The following RIMS2 variants were observed in gnomAD, a reference collection of about 807,000 sequenced individuals.
RIMS2 encodes regulating synaptic membrane exocytosis protein 2.
A neutral mutation model predicts 174.4 loss-of-function variants in RIMS2; 59 were observed. The ratio of observed to expected loss-of-function variants is 0.34; its 90% CI spans 0.27 to 0.42. The LOEUF (loss-of-function observed/expected upper bound fraction) is 0.42, where lower values mean the gene tolerates loss of function less well. RIMS2 is among the 10% of genes least tolerant of loss of function. RIMS2 has a pLI of 1.00. For synonymous variants in RIMS2, 606 were observed against 572.5 expected, an observed-to-expected ratio of 1.06 and a Z score of -0.84; for missense variants, 1,620 against 1,666.3, an observed-to-expected ratio of 0.97 and a Z score of 0.48.
intron 3 of RIMS2, among the ~76,000 whole-genome samples, chr8:103,771,761 A>G (rs1032315076): frequency 6.6e-6 from 1 of 151,856 alleles, no homozygotes; most frequent in Non-Finnish European, 1.5e-5. Flanking sequence ...CTCTTTCACT[A>G]TTTTTTTCCT....
At chr8:103,999,788 A>G (rs1224406328) in intron 17 of RIMS2, among the ~76,000 whole-genome samples, 1 of 151,752 alleles carries the variant, frequency 6.6e-6, no homozygotes, top group Non-Finnish European at 1.5e-5. Flanking sequence ...TCAGCAATGT[A>G]GCTAGAATTA....
At chr8:103,897,688 T>A (rs2099295288) in intron 4 of RIMS2, among the ~76,000 whole-genome samples, 1 of 151,632 alleles carries the variant, frequency 6.6e-6, no homozygotes, top group Admixed American at 6.6e-5. Flanking sequence ...CCACCAGGGC[T>A]AAGAGCATAC....
chr8:104,178,841 A>G (rs919193672), intron 19 of RIMS2, among the ~76,000 whole-genome samples: 15 of 152,070 alleles, frequency 9.9e-5, no homozygotes, highest in African/African-American at 1.4e-4. Flanking sequence ...GGAGGAATAT[A>G]CCAACATCGT....
chr8:104,044,090 A>G (rs1385394754), intron 19 of RIMS2, among the ~76,000 whole-genome samples: 2 of 151,652 alleles, frequency 1.3e-5, no homozygotes, highest in East Asian at 3.8e-4. Context: ...CTCAGGGAAG[A>G]TAGTATTCTT....
intron 1 of RIMS2, among the ~76,000 whole-genome samples, chr8:103,597,143 TAAAAG>T (rs1172590831): frequency 2.0e-5 from 3 of 152,148 alleles, no homozygotes; most frequent in African/African-American, 7.2e-5. Flanking sequence ...AGCATTCTAA[TAAAAG>T]AAGATCAAAT....
chr8:103,639,775 C>T (rs987545161), intron 1 of RIMS2, among the ~76,000 whole-genome samples: 1 of 151,862 alleles, frequency 6.6e-6, no homozygotes, highest in Non-Finnish European at 1.5e-5. Context: ...TTTGTGTGAA[C>T]ATAAGTTTTC....
At chr8:103,833,516 T>G (rs2098838780) in intron 3 of RIMS2, among the ~76,000 whole-genome samples, 2 of 152,100 alleles carry the variant, frequency 1.3e-5, no homozygotes, top group African/African-American at 4.8e-5. Context: ...TTATTTGTAT[T>G]TCAGACTTTT....
intron 1 of RIMS2, among the ~76,000 whole-genome samples, chr8:103,683,593 T>C (rs2096905271): frequency 1.3e-5 from 2 of 152,168 alleles, no homozygotes; most frequent in South Asian, 4.1e-4. Flanking sequence ...ACAATATTGC[T>C]CTTTCTATTT....
intron 2 of RIMS2, among the ~76,000 whole-genome samples, chr8:103,730,186 TG>T (rs2097573766): frequency 6.6e-6 from 1 of 152,204 alleles, no homozygotes; most frequent in East Asian, 1.9e-4. Context: ...CCGTGGGTGG[TG>T]GGGGGTTTAA....
chr8:103,969,602 G>A (rs1346982973), intron 15 of RIMS2, among the ~76,000 whole-genome samples: 1 of 152,148 alleles, frequency 6.6e-6, no homozygotes, highest in Non-Finnish European at 1.5e-5. Flanking sequence ...CCTGCAGGCT[G>A]TCCACTTTAT....
chr8:103,530,186 A>C (rs1351294220), intron 1 of RIMS2, among the ~76,000 whole-genome samples: 1 of 152,236 alleles, frequency 6.6e-6, no homozygotes, highest in East Asian at 1.9e-4. Flanking sequence ...AGAAGTAAAC[A>C]TATCACATAT....
chr8:104,218,823 C>T (rs983974153), intron 19 of RIMS2, among the ~76,000 whole-genome samples: 1 of 152,158 alleles, frequency 6.6e-6, no homozygotes, highest in Non-Finnish European at 1.5e-5. Context: ...CCACTGCTCA[C>T]CTCCTACTGT....
chr8:103,765,331 CTG>C (rs1219225049), intron 2 of RIMS2, among the ~76,000 whole-genome samples: 1 of 151,930 alleles, frequency 6.6e-6, no homozygotes, highest in Non-Finnish European at 1.5e-5. Flanking sequence ...AAAAATATAT[CTG>C]TAGAAAAATT....
intron 1 of RIMS2, chr8:103,568,632 A>C: frequency 3.3e-6 from 2 of 597,318 alleles, no homozygotes; most frequent in Non-Finnish European, 3.2e-6. Flanking sequence ...AATATCAGCA[A>C]GTGCACTTTG....
chr8:103,853,462 G>C (rs536300762), intron 3 of RIMS2, among the ~76,000 whole-genome samples: 1 of 151,908 alleles, frequency 6.6e-6, no homozygotes, highest in African/African-American at 2.4e-5. Context: ...CTTTGCTAAG[G>C]CTGAGTTGAC....
At chr8:103,823,645 C>G (rs1020673006) in intron 3 of RIMS2, among the ~76,000 whole-genome samples, 1 of 151,832 alleles carries the variant, frequency 6.6e-6, no homozygotes, top group African/African-American at 2.4e-5. Flanking sequence ...TTTCCTGTAG[C>G]ATTTATTATT....
chr8:103,725,784 T>C (rs2097521480), intron 2 of RIMS2, among the ~76,000 whole-genome samples: 1 of 152,126 alleles, frequency 6.6e-6, no homozygotes, highest in South Asian at 2.1e-4. Flanking sequence ...TTGCAAACAG[T>C]TTTGCAAAGG....
intron 3 of RIMS2, among the ~76,000 whole-genome samples, chr8:103,794,981 T>C (rs1287455781): frequency 6.6e-6 from 1 of 152,208 alleles, no homozygotes; most frequent in Non-Finnish European, 1.5e-5. Context: ...TTTTACACTG[T>C]TGGTGGGACT....
intron 19 of RIMS2, among the ~76,000 whole-genome samples, chr8:104,023,714 C>A (rs144272269): frequency 6.6e-6 from 1 of 152,158 alleles, no homozygotes; most frequent in Non-Finnish European, 1.5e-5. Flanking sequence ...GAGGTGTGGA[C>A]TGTAGCTATA....
Sources: gnomAD v4.1 joint callset for allele counts (sites outside exome capture counted in the v4.1 genomes callset) on GRCh38, gnomAD v4.1.1 for gene constraint, MANE v1.5 for transcripts, NCBI Gene and HGNC (gene_info 2026-07-23, HGNC 2026-07-21) for gene names.